Variants in CTNNA3 observed in about 807,000 individuals in gnomAD.
CTNNA3 encodes catenin alpha-3.
A neutral mutation model predicts 95.7 loss-of-function variants in CTNNA3; 76 were observed. The observed-to-expected ratio is 0.79, with a 90% CI of 0.66 to 0.96. CTNNA3 has a LOEUF of 0.96. CTNNA3 is among the 40% of genes least tolerant of loss of function. The pLI is 0.00. For missense variants in CTNNA3, 1,191 were observed against 1,089.8 expected, an observed-to-expected ratio of 1.09 and a Z score of -1.31; for synonymous variants, 431 against 374.4, an observed-to-expected ratio of 1.15 and a Z score of -1.74.
At chr10:67,418,496 T>G (rs1448865194) in intron 5 of CTNNA3, among the ~76,000 whole-genome samples, 2 of 133,518 alleles carry the variant, frequency 1.5e-5, no homozygotes, top group Non-Finnish European at 3.2e-5. Flanking sequence ...ACACACACAA[T>G]TGAATACTAT....
chr10:67,130,090 T>G (rs545499062), intron 7 of CTNNA3, among the ~76,000 whole-genome samples: 1 of 152,240 alleles, frequency 6.6e-6, no homozygotes, highest in Non-Finnish European at 1.5e-5. Context: ...AACATCATGC[T>G]TGTTCAAGCA....
At chr10:66,924,218 C>G (rs1846942727) in intron 7 of CTNNA3, among the ~76,000 whole-genome samples, 2 of 152,156 alleles carry the variant, frequency 1.3e-5, no homozygotes, top group African/African-American at 4.8e-5. Flanking sequence ...GGGGAAAGCA[C>G]TGCCCTATTA....
chr10:67,292,639 G>T (rs910899170), intron 5 of CTNNA3, among the ~76,000 whole-genome samples: 3 of 151,906 alleles, frequency 2.0e-5, no homozygotes, highest in Non-Finnish European at 4.4e-5. Context: ...ATACTCTAAG[G>T]GATAGAACAA....
intron 11 of CTNNA3, among the ~76,000 whole-genome samples, 162 bp from the exon 12 acceptor site, chr10:66,379,514 C>A: frequency 1.3e-5 from 2 of 152,188 alleles, no homozygotes; most frequent in East Asian, 3.8e-4. Context: ...ATTTTGCTTA[C>A]ATCCCTTTAT....
chr10:66,653,832 G>C (rs1448442654), intron 9 of CTNNA3, among the ~76,000 whole-genome samples: 8 of 152,020 alleles, frequency 5.3e-5, no homozygotes, highest in Admixed American at 3.9e-4. Context: ...TGATGAGGGT[G>C]CCAAGAATAG....
At chr10:66,923,020 C>T (rs895385051) in intron 7 of CTNNA3, among the ~76,000 whole-genome samples, 1 of 152,104 alleles carries the variant, frequency 6.6e-6, no homozygotes, top group Non-Finnish European at 1.5e-5. Context: ...ACTATAGTCA[C>T]CCCATTGTGC....
intron 7 of CTNNA3, chr10:67,099,895 G>T (rs1457397113): frequency 6.6e-6 from 1 of 151,384 alleles, no homozygotes; most frequent in Non-Finnish European, 1.5e-5. Flanking sequence ...TACGTCGTTA[G>T]CAAATTTATA....
chr10:67,132,021 G>A (rs1388967429), intron 7 of CTNNA3, among the ~76,000 whole-genome samples: 3 of 152,064 alleles, frequency 2.0e-5, no homozygotes, highest in African/African-American at 7.2e-5. Flanking sequence ...GTAGAAAATA[G>A]GATGGTATTT....
intron 9 of CTNNA3, among the ~76,000 whole-genome samples, chr10:66,628,924 T>C (rs1376575244): frequency 6.6e-6 from 1 of 152,018 alleles, no homozygotes; most frequent in Non-Finnish European, 1.5e-5. Context: ...AAGTTACTAG[T>C]TTATTGATGG....
chr10:66,031,006 C>T (rs192336657), intron 15 of CTNNA3, among the ~76,000 whole-genome samples: 2 of 152,240 alleles, frequency 1.3e-5, no homozygotes, highest in African/African-American at 2.4e-5. Flanking sequence ...TACCATCTCA[C>T]ATAACTTTAT....
intron 5 of CTNNA3, among the ~76,000 whole-genome samples, chr10:67,288,275 A>C: frequency 6.6e-6 from 1 of 152,190 alleles, no homozygotes; most frequent in Non-Finnish European, 1.5e-5. Flanking sequence ...TTTCTACTAC[A>C]CGTCTTTGAG....
chr10:67,108,693 C>G (rs536353137), intron 7 of CTNNA3, among the ~76,000 whole-genome samples: 79 of 152,228 alleles, frequency 5.2e-4, no homozygotes, highest in African/African-American at 1.8e-3. Flanking sequence ...ATTTATAAAA[C>G]TCAGGTCTGT....
intron 13 of CTNNA3, among the ~76,000 whole-genome samples, chr10:66,224,303 G>C (rs1425409949): frequency 1.3e-5 from 2 of 152,106 alleles, no homozygotes; most frequent in Non-Finnish European, 2.9e-5. Flanking sequence ...ACTAATACAA[G>C]TAGGAAGCGT....
intron 6 of CTNNA3, among the ~76,000 whole-genome samples, chr10:67,199,171 T>C (rs1034752207): frequency 6.6e-6 from 1 of 152,214 alleles, no homozygotes; most frequent in East Asian, 1.9e-4. Context: ...AAGAAACAGT[T>C]TGCTAAACAC....
chr10:67,662,857 TAA>T (rs1369089698), intron 1 of CTNNA3, among the ~76,000 whole-genome samples: 2 of 152,232 alleles, frequency 1.3e-5, no homozygotes, highest in East Asian at 1.9e-4. Flanking sequence ...ATGGTATATA[TAA>T]GTTATTTCTC....
chr10:66,648,119 T>C (rs1269508048), intron 9 of CTNNA3, among the ~76,000 whole-genome samples: 1 of 152,166 alleles, frequency 6.6e-6, no homozygotes, highest in African/African-American at 2.4e-5. Context: ...CTTTTATGTA[T>C]CCTCCATTGG....
At chr10:67,176,504 C>T (rs752444163) in intron 7 of CTNNA3, among the ~76,000 whole-genome samples, 5 of 152,216 alleles carry the variant, frequency 3.3e-5, no homozygotes, top group East Asian at 1.9e-4. Context: ...ATAATGGATT[C>T]GAAATGAAAG....
At chr10:67,746,873 G>A (rs1295627107) in intron 1 of CTNNA3, among the ~76,000 whole-genome samples, 1 of 152,206 alleles carries the variant, frequency 6.6e-6, no homozygotes, top group East Asian at 1.9e-4. Flanking sequence ...GGAAGTGGTG[G>A]GGGCAGGAGC....
chr10:66,725,255 C>T (rs1411619754), intron 9 of CTNNA3, among the ~76,000 whole-genome samples: 1 of 152,058 alleles, frequency 6.6e-6, no homozygotes, highest in African/African-American at 2.4e-5. Flanking sequence ...TAAGGGCCAA[C>T]TGTAGGCTAT....
Sources: gnomAD v4.1 joint callset for allele counts (sites outside exome capture counted in the v4.1 genomes callset) on GRCh38, gnomAD v4.1.1 for gene constraint, MANE v1.5 for transcripts, NCBI Gene and HGNC (gene_info 2026-07-23, HGNC 2026-07-21) for gene names.